The following CERS6 variants were observed in gnomAD, a reference collection of about 807,000 sequenced individuals.
CERS6 encodes ceramide synthase 6.
CERS6 carries 26 observed loss-of-function variants against 56.8 expected under a neutral mutation model. The observed-to-expected ratio is 0.46, with a 90% CI of 0.34 to 0.63. The LOEUF (loss-of-function observed/expected upper bound fraction) is 0.63, where lower values mean the gene tolerates loss of function less well. Among genes scored for constraint, CERS6 ranks in the 30% least tolerant of loss-of-function variants. CERS6 has a pLI of 0.01. For synonymous variants in CERS6, 164 were observed against 173.3 expected (o/e 0.95, Z 0.42); for missense variants, 415 against 467.5 (o/e 0.89, Z 1.04).
At position 168,765,593 on chromosome 2, in the gene CERS6, G is replaced by A. The variant is rs1360403489; in HGVS notation, c.847G>A (p.Val283Met). ...TTRLGIFPLW[V>M]LNTTLFESWE... ...TAATCACCTCCTTCTTTTCCTTAGG[G>A]TGTTAAATACCACATTATTTGAAAG... The change falls in exon 9 of 10, where the codon GTG becomes ATG. Residue 283 changes from valine to methionine, a missense_variant and splice_region_variant. By Grantham distance (21) the Val-to-Met change is conservative. Transcript: ENST00000305747. 6.2e-7 allele frequency: 1 copy of A among 1,612,598 alleles called. No individual in the cohort carries two copies. Among genetic ancestry groups the A allele is most frequent in the African/African-American group, 1.3e-5 (1 of 74,856 alleles).
chr2:168,498,637 C>A (rs1005059267), intron 1 of CERS6, among the ~76,000 whole-genome samples: 1 of 152,176 alleles, frequency 6.6e-6, no homozygotes, highest in Non-Finnish European at 1.5e-5. Flanking sequence ...TACAGTTAGG[C>A]TCTTTATATC....
chr2:168,516,753 C>T (rs960278669), intron 1 of CERS6, among the ~76,000 whole-genome samples: 1 of 152,184 alleles, frequency 6.6e-6, no homozygotes, highest in African/African-American at 2.4e-5. Context: ...GGACTGAAAA[C>T]CAAACCCGCC....
At chr2:168,688,959 A>G (rs553866015) in intron 4 of CERS6, among the ~76,000 whole-genome samples, 57 of 152,280 alleles carry the variant, frequency 3.7e-4, no homozygotes, top group Middle Eastern at 6.8e-3. Context: ...AAGGAAGGGA[A>G]GTTCTGAACG....
chr2:168,763,966 C>G (rs1435841561), intron 8 of CERS6, among the ~76,000 whole-genome samples: 1 of 152,176 alleles, frequency 6.6e-6, no homozygotes, highest in Non-Finnish European at 1.5e-5. Context: ...CAGACACAGG[C>G]AGGGACCAGA....
intron 9 of CERS6, 73 bp from the exon 10 acceptor site, chr2:168,769,437 C>A: frequency 1.5e-6 from 2 of 1,329,464 alleles, no homozygotes; most frequent in East Asian, 2.6e-5. Context: ...TGTATGACTG[C>A]ATGTGCTTCT....
At chr2:168,705,760 G>C (rs79602115) in intron 6 of CERS6, among the ~76,000 whole-genome samples, 1 of 152,062 alleles carries the variant, frequency 6.6e-6, no homozygotes, top group East Asian at 1.9e-4. Context: ...GCCCCCTACT[G>C]ATCATTCTGG....
At chr2:168,508,102 G>A (rs967354642) in intron 1 of CERS6, among the ~76,000 whole-genome samples, 10 of 152,110 alleles carry the variant, frequency 6.6e-5, no homozygotes, top group Admixed American at 3.3e-4. Context: ...GATTCACTGC[G>A]TTCTAATTAT....
At chr2:168,722,054 A>G (rs182400449) in intron 8 of CERS6, among the ~76,000 whole-genome samples, 55 of 152,290 alleles carry the variant, frequency 3.6e-4, no homozygotes, top group Non-Finnish European at 7.2e-4. Context: ...ATTAAATGGT[A>G]TCTTATTGTA....
At chr2:168,595,867 C>A (rs990715475) in intron 3 of CERS6, among the ~76,000 whole-genome samples, 3 of 151,666 alleles carry the variant, frequency 2.0e-5, no homozygotes, top group Non-Finnish European at 2.9e-5. Context: ...TTTTGGCAGA[C>A]CTTATTGTTC....
chr2:168,534,500 G>T (rs1173640715), intron 1 of CERS6, among the ~76,000 whole-genome samples: 1 of 151,542 alleles, frequency 6.6e-6, no homozygotes, highest in East Asian at 1.9e-4. Context: ...GGCTGCTGCA[G>T]TTCCCTGGGG....
rs900468831 is a variant in CERS6, at chr2:168,631,844, A to T, written c.465+802A>T. 1.1e-4 allele frequency among the ~76,000 whole-genome samples: 14 copies of T among 128,614 alleles called. No individual in the cohort carries two copies. The Admixed American group carries it at 1.2e-3, about 11-fold the overall frequency. The allele number at this position is 128,614 out of a possible 152,430, so 84.4% of individuals were successfully genotyped here. ...TATATTATATAATATATATTATATA[A>T]TATATATTATATATTATACATTTAT... On this transcript the variant is annotated intron_variant, in intron 4 of 9. Coordinates refer to ENST00000305747, the MANE Select transcript of CERS6 (RefSeq NM_203463.3).
chr2:168,665,952 CTGTGTGTGTGTGTG>C (rs58913968), intron 4 of CERS6, among the ~76,000 whole-genome samples: 59 of 143,290 alleles, frequency 4.1e-4, no homozygotes, highest in Non-Finnish European at 6.8e-4. Flanking sequence ...AATTAGTAGA[CTGTGTGTGTGTGTG>C]TGTGTGTGTG....
chr2:168,464,211 T>TGTGTGTGA (rs938428488), intron 1 of CERS6, among the ~76,000 whole-genome samples: 6 of 148,940 alleles, frequency 4.0e-5, no homozygotes, highest in South Asian at 2.1e-4. Flanking sequence ...TGTGTGTGTG[T>TGTGTGTGA]GACAAGGGTC....
intron 4 of CERS6, among the ~76,000 whole-genome samples, chr2:168,643,671 C>A (rs1233517394): frequency 6.6e-6 from 1 of 152,114 alleles, no homozygotes; most frequent in African/African-American, 2.4e-5. Context: ...AATTCCTTTC[C>A]TTGCGTTTTT....
chr2:168,634,136 T>C (rs1684810722), intron 4 of CERS6, among the ~76,000 whole-genome samples: 1 of 152,290 alleles, frequency 6.6e-6, no homozygotes, highest in African/African-American at 2.4e-5. Flanking sequence ...GACATGTTAG[T>C]GAACTATTCA....
chr2:168,764,304 G>A (rs570806849), intron 8 of CERS6, among the ~76,000 whole-genome samples: 23 of 151,912 alleles, frequency 1.5e-4, no homozygotes, highest in African/African-American at 4.8e-4. Context: ...CACCACACCC[G>A]GCTAATTTTT....
intron 3 of CERS6, among the ~76,000 whole-genome samples, chr2:168,574,929 T>A (rs1317950248): frequency 6.6e-6 from 1 of 152,240 alleles, no homozygotes; most frequent in African/African-American, 2.4e-5. Context: ...CTTTTCCTTC[T>A]TTAAAGAAAA....
intron 1 of CERS6, among the ~76,000 whole-genome samples, chr2:168,501,894 G>A (rs2105345445): frequency 6.6e-6 from 1 of 152,310 alleles, no homozygotes; most frequent in Non-Finnish European, 1.5e-5. Context: ...CCGCAGACCT[G>A]TGGCTTATTG....
At chr2:168,722,253 C>G (rs573653609) in intron 8 of CERS6, among the ~76,000 whole-genome samples, 1 of 152,240 alleles carries the variant, frequency 6.6e-6, no homozygotes, top group East Asian at 1.9e-4. Context: ...CTTTCACTTC[C>G]TTGATGATGT....
Sources: allele counts gnomAD v4.1 joint callset (sites outside exome capture counted in the v4.1 genomes callset), GRCh38; gene constraint gnomAD v4.1.1; transcripts MANE v1.5; gene names NCBI Gene and HGNC (gene_info 2026-07-23, HGNC 2026-07-21).